FGR: variants seen among roughly 807,000 people sequenced by gnomAD.
FGR encodes the protein FGR proto-oncogene, Src family tyrosine kinase.
Under a neutral mutation model 63.2 loss-of-function variants are expected in FGR, and 26 were observed. That is an observed-to-expected ratio of 0.41 (90% CI 0.30 to 0.57). The LOEUF is 0.57. Ranked by LOEUF, FGR falls within the 20% of genes least tolerant of loss-of-function variation. FGR has a pLI of 0.27. For synonymous variants in FGR, 286 were observed against 277.7 expected, an observed-to-expected ratio of 1.03 and a Z score of -0.30; for missense variants, 511 against 690.8, an observed-to-expected ratio of 0.74 and a Z score of 2.92.
Position 27,615,602 on chromosome 1 carries a change from C to T in FGR, c.850G>A (p.Gly284Ser). The stretch of plus-strand genomic sequence containing the variant: ...GTCTTCACCGCCACCTTAGTGCTGC[C>T]GTTCCACGTGCCTGCTCGGAGGCTG... ...FGDVWLGTWN[G>S]STKVAVKTLK... The change falls in exon 9 of 13, where the codon GGC (glycine) becomes AGC (serine). Residue 284 changes from glycine to serine, a missense_variant. Gly to Ser is a moderately conservative substitution (Grantham distance 56). Transcript: ENST00000374005. This position sits in a 1 kb window ranked among gnomAD's most constrained non-coding sequence, Gnocchi z 7.6. 1 of 1,609,168 alleles carries T rather than the reference C, an allele frequency of 6.2e-7. No homozygotes were observed. The highest frequency in any genetic ancestry group is 1.1e-5 in the South Asian group (1 of 90,966).
Position 27,613,241 on chromosome 1 carries a change from G to A in FGR, c.1359C>T (p.Thr453=). Residue 453 remains threonine, a synonymous_variant, in exon 12 of 13, where the codon ACC becomes ACT. Coordinates refer to ENST00000374005, the MANE Select transcript of FGR (RefSeq NM_005248.3). ...SFGILLTELI[T]KGRIPYPGMN... ...AACCTGGGTAGGGGATTCGGCCCTT[G>A]GTGATGAGCTCAGTGAGCAGGATCC... is the stretch of plus-strand genomic sequence containing the variant. 1.9e-6 allele frequency: 3 copies of A among 1,614,118 alleles called. No individual in the cohort carries two copies. The highest frequency in any genetic ancestry group is 2.5e-6 in the Non-Finnish European group (3 of 1,179,952).
intron 1 of FGR, chr1:27,626,261 G>A: frequency 2.5e-6 from 1 of 398,606 alleles, no homozygotes; most frequent in Non-Finnish European, 4.4e-6. Flanking sequence ...TGGTGAGAGG[G>A]CTTGGTTTCC....
chr1:27,615,798 G>C lies in FGR; in HGVS notation c.729C>G (p.Ile243Met). ...LCNLLIAPCT[I>M]MKPQTLGLAK... Reference sequence around the variant, plus strand: ...CCAGGCCCAGCGTCTGCGGCTTCATGATGGTGCAGGGCGCGATGAGCAGGT... The same window carrying C: ...CCAGGCCCAGCGTCTGCGGCTTCATCATGGTGCAGGGCGCGATGAGCAGGT... The change falls in exon 8 of 13, where the codon ATC (isoleucine) becomes ATG (methionine). Residue 243 changes from isoleucine (I) to methionine (M), a missense_variant. Ile to Met is a conservative substitution (Grantham distance 10, BLOSUM62 1). Transcript: ENST00000374005. The surrounding 1 kb of genome is among the most constrained non-coding windows in gnomAD (Gnocchi z 7.6). 6.2e-7 allele frequency: 1 copy of C among 1,600,514 alleles called. No homozygotes were observed. Among genetic ancestry groups the C allele is most frequent in the Non-Finnish European group, 8.5e-7 (1 of 1,173,658 alleles).
chr1:27,618,751 C>T (rs556134840), intron 5 of FGR, among the ~76,000 whole-genome samples: 5 of 152,236 alleles, frequency 3.3e-5, no homozygotes, highest in Non-Finnish European at 7.3e-5. Flanking sequence ...ATTCCAACAA[C>T]CTCCAAACAT....
Position 27,615,897 on chromosome 1 carries a change from C to CA in FGR, c.683-54dup. ...ACAGGTGGGCCAGGACACCCCCCTC[C>CA]ACTCCTTATCCTATCCCAGCCTGGT... On this transcript the variant is annotated intron_variant, in intron 7 of 12. Coordinates refer to ENST00000374005, the MANE Select transcript of FGR (RefSeq NM_005248.3). This position sits in a 1 kb window ranked among gnomAD's most constrained non-coding sequence, Gnocchi z 7.6. 1 of 1,499,212 alleles carries CA rather than the reference C, an allele frequency of 6.7e-7. No homozygotes were observed. Among genetic ancestry groups the CA allele is most frequent in the Non-Finnish European group, 9.0e-7 (1 of 1,113,106 alleles). The allele number at this position is 1,499,212 out of a possible 1,614,324, so 92.9% of individuals were successfully genotyped here. A position where few individuals can be genotyped will look rare whatever the true frequency, so the allele number is the denominator to read the frequency against.
intron 1 of FGR, among the ~76,000 whole-genome samples, chr1:27,625,748 G>C (rs1244880352): frequency 6.6e-6 from 1 of 152,158 alleles, no homozygotes; most frequent in Non-Finnish European, 1.5e-5. Flanking sequence ...AGACCAGCCT[G>C]GCCAATATGG....
chr1:27,615,959 C>T lies in FGR; in HGVS notation c.683-115G>A. 8.5e-7 allele frequency: 1 copy of T among 1,173,532 alleles called. No individual in the cohort carries two copies. The highest frequency in any genetic ancestry group is 1.2e-6 in the Non-Finnish European group (1 of 857,546). The allele number at this position is 1,173,532 out of a possible 1,614,324, so 72.7% of individuals were successfully genotyped here. On this transcript the variant is annotated intron_variant, in intron 7 of 12. Transcript: ENST00000374005. This position sits in a 1 kb window ranked among gnomAD's most constrained non-coding sequence, Gnocchi z 7.6. ...AGATCAGTTATAAGGAACTAGGCCCCAAGTGAGGTCACAGGCCAGGAAGAA... is the reference window on the plus strand; with the variant it reads ...AGATCAGTTATAAGGAACTAGGCCCTAAGTGAGGTCACAGGCCAGGAAGAA...
rs1571379834 is a variant in FGR at position 27,615,171 on chromosome 1, C to G, written c.1019-245G>C. Among the ~76,000 whole-genome samples the G allele has an allele frequency of 6.6e-6, 1 of 152,154 alleles. No homozygotes were observed. Among genetic ancestry groups the G allele is most frequent in the East Asian group, 1.9e-4 (1 of 5,164 alleles). ...ACCCACCCAGACTCCGCCCCAGACC[C>G]TCCCTCATTCCCGATTCTGCCTTCG... On this transcript the variant is annotated intron_variant, in intron 9 of 12. Transcript: ENST00000374005. This position sits in a 1 kb window ranked among gnomAD's most constrained non-coding sequence, Gnocchi z 7.6.
At chr1:27,628,163 C>G (rs1368037330) in intron 1 of FGR, among the ~76,000 whole-genome samples, 1 of 147,330 alleles carries the variant, frequency 6.8e-6, no homozygotes, top group East Asian at 2.0e-4. Flanking sequence ...GACAGTGAAG[C>G]TCTGTCTCAA....
chr1:27,623,298 A>G, intron 3 of FGR, 154 bp from the exon 4 acceptor site: 1 of 626,902 alleles, frequency 1.6e-6, no homozygotes, highest in Admixed American at 2.6e-5. Flanking sequence ...GGAATTTCTG[A>G]TTTGGTCTCC....
intron 1 of FGR, among the ~76,000 whole-genome samples, chr1:27,630,582 G>GGAGA (rs34719941): frequency 2.0e-5 from 3 of 150,410 alleles, no homozygotes; most frequent in Non-Finnish European, 4.4e-5. Context: ...GAGGGGCGCA[G>GGAGA]GAGAGAGAGA....
chr1:27,613,694 CA>C (rs56363244), intron 11 of FGR, among the ~76,000 whole-genome samples: 3,500 of 74,206 alleles, frequency 0.047, 32 homozygotes, highest in African/African-American at 0.11. Flanking sequence ...GACTCCATCT[CA>C]AAAAAAAAAA....
rs2089999897 is a variant in FGR at position 27,625,166 on chromosome 1, G to A, written c.-76-15C>T. 1 of 152,722 alleles carries A rather than the reference G, an allele frequency of 6.5e-6. No homozygotes were observed. Among genetic ancestry groups the A allele is most frequent in the African/African-American group, 2.4e-5 (1 of 41,432 alleles). The allele number at this position is 152,722 out of a possible 1,614,324, so 9.5% of individuals were successfully genotyped here. ...GGGTCAGAGACCTGAGGGTGAGACA[G>A]AAGGACAAGGAAGATGAAGTCTCTG... On this transcript the variant is annotated splice_polypyrimidine_tract_variant and intron_variant, in intron 1 of 12. Coordinates refer to ENST00000374005, the MANE Select transcript of FGR (RefSeq NM_005248.3).
intron 5 of FGR, among the ~76,000 whole-genome samples, chr1:27,620,236 G>A (rs2089895932): frequency 6.6e-6 from 1 of 152,150 alleles, no homozygotes; most frequent in South Asian, 2.1e-4. Context: ...AGAATTGCTT[G>A]AACTCAGGAG....
chr1:27,629,896 C>T (rs2090080056), intron 1 of FGR, among the ~76,000 whole-genome samples: 1 of 152,148 alleles, frequency 6.6e-6, no homozygotes, highest in African/African-American at 2.4e-5. Context: ...CAACTTGTTG[C>T]CAAAAACCAC....
intron 5 of FGR, among the ~76,000 whole-genome samples, chr1:27,620,991 CAAA>C (rs59265327): frequency 0.017 from 368 of 21,956 alleles, 1 homozygote; most frequent in African/African-American, 0.038. Flanking sequence ...GACCCTGTCT[CAAA>C]AAAAAAAAAA....
chr1:27,622,995 T>C (rs1203174178), intron 4 of FGR, 47 bp downstream of exon 4: 1 of 1,392,366 alleles, frequency 7.2e-7, no homozygotes, highest in Non-Finnish European at 1.0e-6. Context: ...GTCTGTGTCC[T>C]GCTCCCAGCC....
intron 5 of FGR, among the ~76,000 whole-genome samples, chr1:27,620,546 G>A (rs2089901663): frequency 6.6e-6 from 1 of 152,072 alleles, no homozygotes; most frequent in Admixed American, 6.6e-5. Flanking sequence ...GAGCTCAGGA[G>A]TTTGAGGCTG....
intron 5 of FGR, among the ~76,000 whole-genome samples, chr1:27,618,093 T>C (rs1212777360): frequency 6.6e-6 from 1 of 152,016 alleles, no homozygotes; most frequent in Non-Finnish European, 1.5e-5. Context: ...GTGGTGGAAG[T>C]CTCAGTGGAC....
Sources: gnomAD v4.1 joint callset for allele counts (sites outside exome capture counted in the v4.1 genomes callset) on GRCh38, gnomAD v4.1.1 for gene constraint, Gnocchi (gnomAD v3.1) non-coding constraint, MANE v1.5 for transcripts, NCBI Gene and HGNC (gene_info 2026-07-23, HGNC 2026-07-21) for gene names.